Variants in LHFPL6 observed in about 807,000 individuals in gnomAD.
The protein encoded by LHFPL6 is LHFPL tetraspan subfamily member 6 protein.
A neutral mutation model predicts 20.6 loss-of-function variants in LHFPL6; 9 were observed. The observed-to-expected ratio is 0.44, with a 90% CI of 0.26 to 0.76. The LOEUF is 0.76. LHFPL6 is among the 30% of genes least tolerant of loss of function. LHFPL6 has a pLI of 0.20. For missense variants in LHFPL6, 218 were observed against 253.5 expected, an observed-to-expected ratio of 0.86 and a Z score of 0.95; for synonymous variants, 105 against 98.7, an observed-to-expected ratio of 1.06 and a Z score of -0.38.
chr13:39,350,602 G>A (rs1341702000), intron 3 of LHFPL6, among the ~76,000 whole-genome samples: 4 of 152,344 alleles, frequency 2.6e-5, no homozygotes, highest in African/African-American at 9.6e-5. Flanking sequence ...CAGAGGGCAA[G>A]TTTTGTCTGT....
intron 2 of LHFPL6, among the ~76,000 whole-genome samples, chr13:39,558,418 A>T (rs776887708): frequency 6.6e-6 from 1 of 152,236 alleles, no homozygotes; most frequent in African/African-American, 2.4e-5. Context: ...TCTCCAGCAA[A>T]GTTCAATAGG....
intron 2 of LHFPL6, among the ~76,000 whole-genome samples, chr13:39,543,444 T>C (rs1283240939): frequency 6.6e-6 from 1 of 152,214 alleles, no homozygotes; most frequent in Non-Finnish European, 1.5e-5. Context: ...TCTGTCATGG[T>C]GCTGGCACAT....
chr13:39,546,148 T>C (rs943883467), intron 2 of LHFPL6, among the ~76,000 whole-genome samples: 9 of 152,076 alleles, frequency 5.9e-5, no homozygotes, highest in Admixed American at 5.9e-4. Context: ...CCCCAATAAA[T>C]AATAGCTATT....
chr13:39,538,957 G>A (rs2138501993), intron 2 of LHFPL6, among the ~76,000 whole-genome samples: 1 of 152,218 alleles, frequency 6.6e-6, no homozygotes, highest in Middle Eastern at 3.4e-3. Context: ...GGCTTCGCGG[G>A]CCATATGGAT....
At chr13:39,375,152 G>A (rs1453468477) in intron 3 of LHFPL6, among the ~76,000 whole-genome samples, 1 of 152,216 alleles carries the variant, frequency 6.6e-6, no homozygotes, top group Non-Finnish European at 1.5e-5. Context: ...AGAAGAGGCA[G>A]AAACAAACTT....
Position 39,407,286 on chromosome 13 carries a change from G to A in LHFPL6, c.386-28760C>T, listed in dbSNP as rs184006950. Reference sequence around the variant, plus strand: ...CAATCCTTTTATAGATACTCTGCCTGAGAAAGAACTCCCAGGGCAGAGTCT... The same window carrying A: ...CAATCCTTTTATAGATACTCTGCCTAAGAAAGAACTCCCAGGGCAGAGTCT... On this transcript the variant is annotated intron_variant, in intron 2 of 3. Transcript: ENST00000379589. Among the ~76,000 whole-genome samples, 90 of 152,290 alleles carry A rather than the reference G, an allele frequency of 5.9e-4. 1 individual carries two copies. The highest frequency in any genetic ancestry group is 1.5e-3 in the Admixed American group (23 of 15,300).
intron 2 of LHFPL6, among the ~76,000 whole-genome samples, chr13:39,560,340 A>C (rs1464706826): frequency 1.3e-5 from 2 of 152,086 alleles, no homozygotes; most frequent in African/African-American, 4.8e-5. Context: ...TCTTGAGGTT[A>C]TATAGCTAGA....
At chr13:39,514,358 A>G (rs1481602056) in intron 2 of LHFPL6, among the ~76,000 whole-genome samples, 3 of 152,194 alleles carry the variant, frequency 2.0e-5, no homozygotes, top group Non-Finnish European at 4.4e-5. Context: ...TCCAGAGCTC[A>G]GCAGTGCAAT....
chr13:39,461,479 A>G (rs1872686674), intron 2 of LHFPL6, among the ~76,000 whole-genome samples: 1 of 152,184 alleles, frequency 6.6e-6, no homozygotes, highest in African/African-American at 2.4e-5. Context: ...TATCTGTATA[A>G]TGTTTACTGC....
chr13:39,391,583 C>T (rs1870709689), intron 2 of LHFPL6, among the ~76,000 whole-genome samples: 1 of 151,834 alleles, frequency 6.6e-6, no homozygotes, highest in Non-Finnish European at 1.5e-5. Flanking sequence ...ATATATAAGC[C>T]ATTTATAACA....
At chr13:39,367,448 T>A (rs1870041633) in intron 3 of LHFPL6, among the ~76,000 whole-genome samples, 1 of 152,258 alleles carries the variant, frequency 6.6e-6, no homozygotes, top group South Asian at 2.1e-4. Flanking sequence ...TTTATTTGCA[T>A]AACACTTCTT....
At chr13:39,584,328 G>A (rs1364592826) in intron 2 of LHFPL6, among the ~76,000 whole-genome samples, 1 of 151,840 alleles carries the variant, frequency 6.6e-6, no homozygotes, top group Non-Finnish European at 1.5e-5. Context: ...GATCACCTGA[G>A]GTGGCCTGAT....
At chr13:39,593,519 C>T (rs369774070) in intron 2 of LHFPL6, among the ~76,000 whole-genome samples, 1 of 151,688 alleles carries the variant, frequency 6.6e-6, no homozygotes. Context: ...GAATCAATAT[C>T]GTGAAAATGG....
chr13:39,576,459 C>T (rs1013366900), intron 2 of LHFPL6, among the ~76,000 whole-genome samples: 25 of 152,148 alleles, frequency 1.6e-4, no homozygotes, highest in Non-Finnish European at 3.4e-4. Flanking sequence ...AGAAGCAAAG[C>T]TTTCATACTA....
chr13:39,575,780 T>C (rs1872095861), intron 2 of LHFPL6, among the ~76,000 whole-genome samples: 1 of 152,112 alleles, frequency 6.6e-6, no homozygotes, highest in Non-Finnish European at 1.5e-5. Context: ...GTGTGCACGG[T>C]TTCTCCTTAT....
intron 2 of LHFPL6, among the ~76,000 whole-genome samples, chr13:39,533,072 T>G (rs765207650): frequency 6.6e-6 from 1 of 152,154 alleles, no homozygotes; most frequent in Non-Finnish European, 1.5e-5. Context: ...AAGCACAGAC[T>G]TAAATAAAGG....
chr13:39,415,094 C>T (rs1478642816), intron 2 of LHFPL6, among the ~76,000 whole-genome samples: 1 of 152,108 alleles, frequency 6.6e-6, no homozygotes, highest in Non-Finnish European at 1.5e-5. Context: ...TTCCTCAGAC[C>T]CCAGGACAGG....
chr13:39,361,596 G>A (rs1210754241), intron 3 of LHFPL6, among the ~76,000 whole-genome samples: 3 of 152,158 alleles, frequency 2.0e-5, no homozygotes, highest in Admixed American at 6.5e-5. Context: ...GATTACAGGC[G>A]TGAGCCACCG....
intron 2 of LHFPL6, among the ~76,000 whole-genome samples, chr13:39,403,842 G>A (rs1424751983): frequency 1.3e-5 from 2 of 152,186 alleles, no homozygotes; most frequent in Non-Finnish European, 2.9e-5. Flanking sequence ...CTGTTATCAT[G>A]TATCCCTTAG....
Sources: allele counts gnomAD v4.1 joint callset (sites outside exome capture counted in the v4.1 genomes callset), GRCh38; gene constraint gnomAD v4.1.1; transcripts MANE v1.5; gene names NCBI Gene and HGNC (gene_info 2026-07-23, HGNC 2026-07-21).